KCNAB2: variants seen among roughly 807,000 people sequenced by gnomAD.
The protein encoded by KCNAB2 is voltage-gated potassium channel subunit beta-2.
KCNAB2 carries 29 observed loss-of-function variants against 63.6 expected under a neutral mutation model. The observed-to-expected ratio is 0.46, with a 90% CI of 0.34 to 0.62. The LOEUF is 0.62. Among genes scored for constraint, KCNAB2 ranks in the 20% least tolerant of loss-of-function variants. The pLI is 0.01. For missense variants in KCNAB2, 359 were observed against 563.9 expected (o/e 0.64, Z 3.68); for synonymous variants, 222 against 224.2 (o/e 0.99, Z 0.09).
rs1051187200 is a variant in KCNAB2, at chr1:6,003,430, GCAGGCACCGTCCA to G, written c.-53+10644_-53+10656del. Among the ~76,000 whole-genome samples the G allele has an allele frequency of 6.6e-6, 1 of 152,196 alleles. No homozygotes were observed. The highest frequency in any genetic ancestry group is 1.5e-5 in the Non-Finnish European group (1 of 68,030). Reference sequence around the variant, plus strand: ...GGCTGCCTTCAGCCCCTGCAGACACGCAGGCACCGTCCACCTTCTCCACTCTTAGCGCGAGCCC... The same window carrying G: ...GGCTGCCTTCAGCCCCTGCAGACACGCCTTCTCCACTCTTAGCGCGAGCCC... On this transcript the variant is annotated intron_variant, in intron 1 of 16. Transcript: ENST00000341524. The surrounding 1 kb of genome is among the most constrained non-coding windows in gnomAD (Gnocchi z 4.1).
intron 11 of KCNAB2, 64 bp downstream of exon 11, chr1:6,094,549 G>A: frequency 1.5e-6 from 2 of 1,377,162 alleles, no homozygotes; most frequent in South Asian, 1.2e-5. Context: ...TGCGTATGGA[G>A]ACCCCAAAGC....
chr1:5,997,242 T>C (rs1656990944), intron 1 of KCNAB2, among the ~76,000 whole-genome samples: 1 of 152,182 alleles, frequency 6.6e-6, no homozygotes. Flanking sequence ...AACCTGGCTT[T>C]CCTTCTGCGT....
chr1:6,062,900 C>T (rs1460743829), intron 2 of KCNAB2, among the ~76,000 whole-genome samples: 4 of 152,102 alleles, frequency 2.6e-5, no homozygotes, highest in Admixed American at 6.6e-5. Context: ...CAGAGCTGTG[C>T]AAACATTGCC....
intron 1 of KCNAB2, among the ~76,000 whole-genome samples, chr1:6,011,351 C>G (rs1165286823): frequency 7.2e-6 from 1 of 139,508 alleles, no homozygotes; most frequent in Non-Finnish European, 1.5e-5. Context: ...GGCGGCTGTG[C>G]CCAGGGCCAG....
At chr1:5,993,891 C>A (rs1656749620) in intron 1 of KCNAB2, among the ~76,000 whole-genome samples, 1 of 152,192 alleles carries the variant, frequency 6.6e-6, no homozygotes, top group Non-Finnish European at 1.5e-5. Flanking sequence ...TTAGCAGGGC[C>A]ACCTTAGGAA....
intron 1 of KCNAB2, among the ~76,000 whole-genome samples, chr1:6,007,924 G>A (rs947419954): frequency 1.3e-5 from 2 of 152,158 alleles, no homozygotes; most frequent in African/African-American, 4.8e-5. Context: ...GCCCTGAGAG[G>A]GGCTGGAGAC....
chr1:6,014,687 G>C (rs1243881507), intron 1 of KCNAB2, among the ~76,000 whole-genome samples: 1 of 152,206 alleles, frequency 6.6e-6, no homozygotes, highest in Non-Finnish European at 1.5e-5. Flanking sequence ...CTGATGAGAA[G>C]TCACAGTTAC....
In KCNAB2 at chr1:6,069,623, T is replaced by C. The variant is rs535100428; in HGVS notation, c.219-3132T>C. Among the ~76,000 whole-genome samples, 2 of 152,182 alleles carry C rather than the reference T, an allele frequency of 1.3e-5. No homozygotes were observed. The highest frequency in any genetic ancestry group is 2.9e-5 in the Non-Finnish European group (2 of 68,028). On this transcript the variant is annotated intron_variant, in intron 2 of 15. Coordinates refer to ENST00000378083, the MANE Select transcript of KCNAB2 (RefSeq NM_001199862.2). The surrounding 1 kb of genome is among the most constrained non-coding windows in gnomAD (Gnocchi z 5.4). Reference sequence around the variant, plus strand: ...AGAAATCGGTAGAAAATGATCTCTGTGTCTGGGAAGTTTCAAGTACAGCAG... The same window carrying C: ...AGAAATCGGTAGAAAATGATCTCTGCGTCTGGGAAGTTTCAAGTACAGCAG...
At position 6,064,081 on chromosome 1, in the gene KCNAB2, G is replaced by A. The variant is rs1358864414; in HGVS notation, c.219-8674G>A. Among the ~76,000 whole-genome samples, 10 of 152,324 alleles carry A rather than the reference G, an allele frequency of 6.6e-5. No individual in the cohort carries two copies. In the South Asian group the frequency reaches 8.3e-4, roughly 13 times the overall value. ...GATGTTGCCAGCCTTTGTGGGATCC[G>A]ACGGTTTACCAGAGTGCAGAGAATG... On this transcript the variant is annotated intron_variant, in intron 2 of 15. Coordinates refer to ENST00000378083, the MANE Select transcript of KCNAB2 (RefSeq NM_001199862.2).
chr1:6,033,870 GT>G (rs1392097520), upstream of KCNAB2, among the ~76,000 whole-genome samples: 1 of 152,210 alleles, frequency 6.6e-6, no homozygotes, highest in African/African-American at 2.4e-5. Context: ...CCATGCTTCA[GT>G]TTCTCCAAAT....
chr1:5,997,666 C>A (rs1336408918), intron 1 of KCNAB2, among the ~76,000 whole-genome samples: 1 of 152,200 alleles, frequency 6.6e-6, no homozygotes, highest in African/African-American at 2.4e-5. Context: ...CAGCCTAGGA[C>A]AGAAGACTCT....
intron 2 of KCNAB2, among the ~76,000 whole-genome samples, chr1:6,064,083 C>T (rs892829836): frequency 1.3e-5 from 2 of 152,164 alleles, no homozygotes; most frequent in South Asian, 2.1e-4. Context: ...TGGGATCCGA[C>T]GGTTTACCAG....
rs1400141171 is a variant in KCNAB2, at chr1:6,071,525, G to A, written c.219-1230G>A. Among the ~76,000 whole-genome samples, 1 of 152,210 alleles carries A rather than the reference G, an allele frequency of 6.6e-6. No individual in the cohort carries two copies. Among genetic ancestry groups the A allele is most frequent in the Non-Finnish European group, 1.5e-5 (1 of 68,022 alleles). Reference sequence around the variant, plus strand: ...TGGGGTGTGGGATGCATGCCACCATGGTGGGGAACGTGAGCTGGCAGCCAA... The same window carrying A: ...TGGGGTGTGGGATGCATGCCACCATAGTGGGGAACGTGAGCTGGCAGCCAA... On this transcript the variant is annotated intron_variant, in intron 2 of 15. Coordinates refer to ENST00000378083, the MANE Select transcript of KCNAB2 (RefSeq NM_001199862.2). This position sits in a 1 kb window ranked among gnomAD's most constrained non-coding sequence, Gnocchi z 8.5.
intron 1 of KCNAB2, among the ~76,000 whole-genome samples, chr1:6,001,296 CCACA>C (rs56828069): frequency 0.32 from 47,446 of 146,524 alleles, 7,682 homozygotes; most frequent in Non-Finnish European, 0.37. Context: ...CATGTGATCA[CCACA>C]CACACACACA....
In KCNAB2 at chr1:6,090,468, G is replaced by C; in HGVS notation, c.594G>C (p.Pro198=). 1 of 1,613,158 alleles carries C rather than the reference G, an allele frequency of 6.2e-7. No homozygotes were observed. The highest frequency in any genetic ancestry group is 8.5e-7 in the Non-Finnish European group (1 of 1,179,418). The change falls in exon 9 of 16, where the codon CCG becomes CCC. Residue 198 remains proline, a synonymous_variant. Transcript: ENST00000378083. ...VFANRPDPNT[P]MEGDPFSSSK... ...CCAACCGCCCGGACCCCAACACCCC[G>C]ATGGAAGGTAGGTGGTCTGCGGCGG...
chr1:6,087,524 G>C lies in KCNAB2; in HGVS notation c.470+13G>C, dbSNP rs1449033889. ...TCTGGGGCGGAAAGTAGGTGCAACA[G>C]CTGGCGATGCTTCCAGCCCCGGCCC... On this transcript the variant is annotated intron_variant, in intron 7 of 15. Coordinates refer to ENST00000378083, the MANE Select transcript of KCNAB2 (RefSeq NM_001199862.2). The surrounding 1 kb of genome is among the most constrained non-coding windows in gnomAD (Gnocchi z 6.4). 1.2e-6 allele frequency: 2 copies of C among 1,613,946 alleles called. No individual in the cohort carries two copies. The highest frequency in any genetic ancestry group is 1.7e-6 in the Non-Finnish European group (2 of 1,179,894).
At chr1:6,093,426 T>G (rs1665354342) in intron 10 of KCNAB2, among the ~76,000 whole-genome samples, 1 of 152,272 alleles carries the variant, frequency 6.6e-6, no homozygotes, top group Non-Finnish European at 1.5e-5. Context: ...CCCATGAGGC[T>G]GAGAGGGAGC....
At chr1:6,098,231 A>C in intron 15 of KCNAB2, 1 of 1,241,384 alleles carries the variant, frequency 8.1e-7, no homozygotes, top group South Asian at 2.3e-5. Context: ...TGCTGCCACC[A>C]CCCTTCAGGA....
chr1:6,038,940 C>T (rs1296877954), intron 1 of KCNAB2, among the ~76,000 whole-genome samples: 1 of 152,196 alleles, frequency 6.6e-6, no homozygotes, highest in Admixed American at 6.5e-5. Context: ...GATCAGGGGT[C>T]ATTTGTCCTT....
Sources: allele counts gnomAD v4.1 joint callset (sites outside exome capture counted in the v4.1 genomes callset), GRCh38; gene constraint gnomAD v4.1.1; non-coding constraint Gnocchi (gnomAD v3.1); transcripts MANE v1.5; gene names NCBI Gene and HGNC (gene_info 2026-07-23, HGNC 2026-07-21).